Variants in KLF12 observed in about 807,000 individuals in gnomAD.
The protein encoded by KLF12 is KLF transcription factor 12.
Under a neutral mutation model 37.8 loss-of-function variants are expected in KLF12, and 9 were observed. That is an observed-to-expected ratio of 0.24 (90% CI 0.14 to 0.42). The LOEUF is 0.42. Among genes scored for constraint, KLF12 ranks in the 10% least tolerant of loss-of-function variants. The pLI, the probability that KLF12 is intolerant of heterozygous loss-of-function variation, is 1.00. For synonymous variants in KLF12, 208 were observed against 202.1 expected (o/e 1.03, Z -0.25); for missense variants, 411 against 516.0 (o/e 0.80, Z 1.97).
At chr13:73,920,672 C>G (rs868288868) in intron 3 of KLF12, among the ~76,000 whole-genome samples, 5 of 152,234 alleles carry the variant, frequency 3.3e-5, no homozygotes, top group Middle Eastern at 6.8e-3. Flanking sequence ...GGCAACAGTT[C>G]TCTGTCCTTT....
At chr13:73,723,026 T>C (rs754432239) in intron 6 of KLF12, among the ~76,000 whole-genome samples, 28 of 152,218 alleles carry the variant, frequency 1.8e-4, no homozygotes, top group Non-Finnish European at 3.2e-4. Flanking sequence ...TATGACAAGC[T>C]TTCTGTTCTT....
At chr13:73,806,824 T>A (rs1882662139) in intron 5 of KLF12, among the ~76,000 whole-genome samples, 1 of 152,060 alleles carries the variant, frequency 6.6e-6, no homozygotes, top group South Asian at 2.1e-4. Context: ...TAGTAACAGT[T>A]CTTGTTTTCC....
intron 1 of KLF12, among the ~76,000 whole-genome samples, chr13:74,060,153 T>G (rs1243968276): frequency 1.3e-5 from 2 of 152,216 alleles, no homozygotes; most frequent in Non-Finnish European, 2.9e-5. Context: ...GATGTTTTAG[T>G]TACTATAGCT....
chr13:73,766,169 C>G (rs1316598554), intron 5 of KLF12, among the ~76,000 whole-genome samples: 1 of 152,146 alleles, frequency 6.6e-6, no homozygotes, highest in Non-Finnish European at 1.5e-5. Context: ...ATTTTCTGCT[C>G]GGCATGGGGG....
At chr13:73,776,740 A>G (rs1299387295) in intron 5 of KLF12, among the ~76,000 whole-genome samples, 1 of 152,214 alleles carries the variant, frequency 6.6e-6, no homozygotes, top group African/African-American at 2.4e-5. Context: ...TATTAACAAA[A>G]TAGCCAAATT....
intron 4 of KLF12, among the ~76,000 whole-genome samples, chr13:73,839,616 T>C (rs962543709): frequency 1.3e-5 from 2 of 152,196 alleles, no homozygotes; most frequent in Admixed American, 1.3e-4. Flanking sequence ...AATTTTACTT[T>C]TATTTTTACT....
At chr13:74,134,298 G>T (rs1239112794), upstream of KLF12, among the ~76,000 whole-genome samples, 1 of 152,090 alleles carries the variant, frequency 6.6e-6, no homozygotes, top group African/African-American at 2.4e-5. Context: ...GAGGGCGGGG[G>T]CGGCGGCGGG....
chr13:73,728,239 CTTAAA>C lies in KLF12; in HGVS notation c.870-12719_870-12715del, dbSNP rs370845391. ...ATGCTATTGTAAATGAAATCGTTTT[CTTAAA>C]TTAATTTTTAGATTGTCCACTGTTA... On this transcript the variant is annotated intron_variant, in intron 6 of 7. Coordinates refer to ENST00000377669, the MANE Select transcript of KLF12 (RefSeq NM_007249.5). 8.1e-3 allele frequency among the ~76,000 whole-genome samples: 1,225 copies of C among 152,166 alleles called. 9 individuals carry two copies. The highest frequency in any genetic ancestry group is 0.027 in the African/African-American group (1,107 of 41,518).
chr13:73,877,375 C>CT (rs1886762612), intron 3 of KLF12, among the ~76,000 whole-genome samples: 1 of 152,084 alleles, frequency 6.6e-6, no homozygotes, highest in Non-Finnish European at 1.5e-5. Context: ...ATTTTGGGTT[C>CT]TATTTTTAAC....
At chr13:73,967,687 C>T (rs766653052) in intron 2 of KLF12, among the ~76,000 whole-genome samples, 15 of 152,230 alleles carry the variant, frequency 9.9e-5, no homozygotes, top group African/African-American at 3.1e-4. Context: ...TGTGTTCTCA[C>T]GAGTTTCGTT....
intron 1 of KLF12, among the ~76,000 whole-genome samples, chr13:74,022,765 G>A (rs189412458): frequency 2.0e-5 from 3 of 151,030 alleles, no homozygotes; most frequent in Admixed American, 6.6e-5. Context: ...ATAACGTATT[G>A]GCCGCCTCCT....
intron 1 of KLF12, among the ~76,000 whole-genome samples, chr13:74,044,803 C>T (rs181190016): frequency 4.2e-4 from 63 of 151,780 alleles, no homozygotes; most frequent in Admixed American, 2.3e-3. Flanking sequence ...CAAGATCACG[C>T]CACTGCACTC....
At chr13:74,019,420 T>C (rs1892784418) in intron 1 of KLF12, among the ~76,000 whole-genome samples, 1 of 152,242 alleles carries the variant, frequency 6.6e-6, no homozygotes, top group Admixed American at 6.5e-5. Flanking sequence ...GCATATTCAT[T>C]ATAAATCAAT....
chr13:73,952,111 A>G (rs1204090845), intron 2 of KLF12, among the ~76,000 whole-genome samples: 1 of 152,250 alleles, frequency 6.6e-6, no homozygotes, highest in African/African-American at 2.4e-5. Flanking sequence ...TGGCTAAAAC[A>G]TAATGTTCAT....
intron 6 of KLF12, among the ~76,000 whole-genome samples, chr13:73,747,844 T>C (rs1878477530): frequency 6.6e-6 from 1 of 152,234 alleles, no homozygotes; most frequent in Non-Finnish European, 1.5e-5. Flanking sequence ...CCCTACTCTA[T>C]TCTTTCTCTT....
At chr13:73,953,313 A>C (rs1890707928) in intron 2 of KLF12, among the ~76,000 whole-genome samples, 2 of 149,804 alleles carry the variant, frequency 1.3e-5, no homozygotes, top group Non-Finnish European at 2.9e-5. Context: ...AAGTTTGGTT[A>C]AAATTAAAAA....
chr13:74,280,825 C>CTTTTTTTTTTTTTTT, the KLF12 span, among the ~76,000 whole-genome samples: 3 of 110,560 alleles, frequency 2.7e-5, no homozygotes, highest in Admixed American at 1.1e-4. Flanking sequence ...TTTCTTTTTT[C>CTTTTTTTTTTTTTTT]TTTTTTTTTT....
intron 4 of KLF12, among the ~76,000 whole-genome samples, chr13:73,828,020 T>C (rs779342223): frequency 6.6e-6 from 1 of 152,226 alleles, no homozygotes; most frequent in African/African-American, 2.4e-5. Context: ...CTTATCAGCA[T>C]AAGACTCATA....
intron 3 of KLF12, among the ~76,000 whole-genome samples, chr13:73,885,096 T>C (rs1358619662): frequency 6.6e-6 from 1 of 152,256 alleles, no homozygotes; most frequent in East Asian, 1.9e-4. Context: ...CACATGTCAA[T>C]ACGTCATTCA....
Sources: gnomAD v4.1 joint callset for allele counts (sites outside exome capture counted in the v4.1 genomes callset) on GRCh38, gnomAD v4.1.1 for gene constraint, MANE v1.5 for transcripts, NCBI Gene and HGNC (gene_info 2026-07-23, HGNC 2026-07-21) for gene names.